The following PUS1 variants were observed in gnomAD, a reference collection of about 807,000 sequenced individuals.
The protein encoded by PUS1 is pseudouridylate synthase 1 homolog.
Under a neutral mutation model 38.5 loss-of-function variants are expected in PUS1, and 25 were observed. That is an observed-to-expected ratio of 0.65 (90% CI 0.47 to 0.91). The LOEUF is 0.91. Among genes scored for constraint, PUS1 ranks in the 40% least tolerant of loss-of-function variants. The pLI, the probability that PUS1 is intolerant of heterozygous loss-of-function variation, is 0.00. For missense variants in PUS1, 597 were observed against 612.3 expected (o/e 0.97, Z 0.26); for synonymous variants, 282 against 260.4 (o/e 1.08, Z -0.80).
chr12:131,936,180 C>T (rs1890822275), intron 3 of PUS1, among the ~76,000 whole-genome samples: 1 of 150,256 alleles, frequency 6.7e-6, no homozygotes, highest in South Asian at 2.1e-4. Flanking sequence ...CACTGCACTG[C>T]AGCCCGGGTG....
chr12:131,931,292 G>A (rs1221864966), intron 2 of PUS1, among the ~76,000 whole-genome samples: 32 of 152,066 alleles, frequency 2.1e-4, no homozygotes, highest in Admixed American at 2.1e-3. Flanking sequence ...CCGAGTAGCT[G>A]GGACTACAGG....
At position 131,941,717 on chromosome 12, in the gene PUS1, G is replaced by T; in HGVS notation, c.970G>T (p.Asp324Tyr). The T allele has an allele frequency of 6.2e-7, 1 of 1,614,186 alleles. No homozygotes were observed. Among genetic ancestry groups the T allele is most frequent in the Admixed American group, 1.7e-5 (1 of 60,022 alleles). ...GCGCAGCTGGGGCACAGAGAAGGTG[G>T]ACGTGCCCAAGGCGCCCGGACTCGG... ...LERSWGTEKV[D>Y]VPKAPGLGLV... The change falls in exon 5 of 6, where the codon GAC (aspartate) becomes TAC (tyrosine). Residue 324 changes from aspartate to tyrosine, a missense_variant. Asp to Tyr is a radical substitution (Grantham distance 160). Transcript: ENST00000376649. The surrounding 1 kb of genome is among the most constrained non-coding windows in gnomAD (Gnocchi z 4.4).
intron 4 of PUS1, 150 bp downstream of exon 4, chr12:131,939,425 G>A: frequency 1.4e-6 from 1 of 693,130 alleles, no homozygotes; most frequent in South Asian, 1.5e-5. Context: ...TTCAGAAACG[G>A]GAGCCACTAG....
intron 3 of PUS1, chr12:131,934,989 G>T (rs1310344696): frequency 6.6e-6 from 1 of 152,216 alleles, no homozygotes; most frequent in Non-Finnish European, 1.5e-5. Flanking sequence ...TGGAGCCGTC[G>T]TACAGAGGGG....
chr12:131,931,942 C>G (rs1890619797), intron 2 of PUS1: 2 of 629,270 alleles, frequency 3.2e-6, no homozygotes, highest in African/African-American at 1.8e-5. Context: ...TTCAATCAAA[C>G]CTGTGTTTTG....
rs1415296307 is a variant in PUS1 at position 131,939,340 on chromosome 12, A to T, written c.544+65A>T. The stretch of plus-strand genomic sequence containing the variant: ...GATGGTCTTGCAGAGACACGAGGCT[A>T]TGCATGCTCCTGCCTTTTCCAACTG... On this transcript the variant is annotated intron_variant, in intron 4 of 5. Coordinates refer to ENST00000376649, the MANE Select transcript of PUS1 (RefSeq NM_025215.6). 7.8e-6 allele frequency: 8 copies of T among 1,030,398 alleles called. No homozygotes were observed. The South Asian group carries it at 1.1e-4, about 14-fold the overall frequency. 63.8% of individuals were successfully genotyped at this position (1,030,398 alleles called of 1,614,324 possible).
intron 5 of PUS1, 65 bp downstream of exon 5, chr12:131,942,048 G>C (rs1030357667): frequency 1.2e-5 from 17 of 1,397,648 alleles, no homozygotes; most frequent in Non-Finnish European, 1.6e-5. Context: ...TTGTACAGAG[G>C]AGTGAGCTGA....
In PUS1 at chr12:131,941,931, C is replaced by T; in HGVS notation, c.1184C>T (p.Pro395Leu). 1 of 1,613,266 alleles carries T rather than the reference C, an allele frequency of 6.2e-7. No individual in the cohort carries two copies. The highest frequency in any genetic ancestry group is 8.5e-7 in the Non-Finnish European group (1 of 1,180,026). ...RSMAQWLSTL[P>L]IHNFSATALT... ...ATGGCCCAGTGGCTGAGCACCTTGC[C>T]CATCCACAACTTCAGTGCCACCGCT... is the stretch of plus-strand genomic sequence containing the variant. Residue 395 changes from proline (P) to leucine (L), a missense_variant, in exon 5 of 6, where the codon CCC becomes CTC. Transcript: ENST00000376649. The surrounding 1 kb of genome is among the most constrained non-coding windows in gnomAD (Gnocchi z 4.4).
At chr12:131,932,080 G>A (rs752751740) in intron 2 of PUS1, 95 bp from the exon 3 acceptor site, 4 of 1,045,926 alleles carry the variant, frequency 3.8e-6, no homozygotes, top group South Asian at 2.7e-5. Context: ...GGAGGCCAGA[G>A]GAGTAAGCGG....
chr12:131,933,375 C>T (rs1890693424), intron 3 of PUS1, among the ~76,000 whole-genome samples: 1 of 152,064 alleles, frequency 6.6e-6, no homozygotes, highest in South Asian at 2.1e-4. Flanking sequence ...TGAGTATATT[C>T]AGGATATCCT....
Position 131,929,939 on chromosome 12 carries a change from C to T in PUS1, c.107C>T (p.Pro36Leu). The T allele has an allele frequency of 1.3e-6, 2 of 1,487,900 alleles. No individual in the cohort carries two copies. The highest frequency in any genetic ancestry group is 1.8e-6 in the Non-Finnish European group (2 of 1,126,618). The allele number at this position is 1,487,900 out of a possible 1,614,324, so 92.2% of individuals were successfully genotyped here. The stretch of plus-strand genomic sequence containing the variant: ...CGCATGGCCGGGAACGCGGAGCCGC[C>T]GCCCGCCGGAGCCGCATGCCCCCAG... ...SPRMAGNAEP[P>L]PAGAACPQDR... The change falls in exon 2 of 6, where the codon CCG becomes CTG. Residue 36 changes from proline to leucine, a missense_variant. Pro to Leu is a moderately conservative substitution (Grantham distance 98, BLOSUM62 -3). Transcript: ENST00000376649.
rs372905929 is a variant in PUS1 at position 131,942,488 on chromosome 12, G to C, written c.1236+505G>C. Among the ~76,000 whole-genome samples the C allele has an allele frequency of 2.6e-5, 4 of 152,104 alleles. No individual in the cohort carries two copies. In the East Asian group the frequency reaches 7.7e-4, roughly 29 times the overall value. On this transcript the variant is annotated intron_variant, in intron 5 of 5. Transcript: ENST00000376649. ...GTGGCGCGATCTCGGCTCACTGCAA[G>C]CTCCGCCTCCCGGGTTCACGCCATT...
chr12:131,943,866 G>T lies in PUS1; in HGVS notation c.*280G>T. On this transcript the variant is annotated 3_prime_UTR_variant, in exon 6 of 6. Transcript: ENST00000376649. ...ACAAATTTTGCTTAGTCAATCCTTG[G>T]TTTGCCTTTTTCTTAGTCTTTTTTA... The T allele has an allele frequency of 9.2e-6, 4 of 433,748 alleles. No homozygotes were observed. Among genetic ancestry groups the T allele is most frequent in the South Asian group, 8.7e-5 (4 of 46,134 alleles). 26.9% of individuals were successfully genotyped at this position (433,748 alleles called of 1,614,324 possible).
intron 3 of PUS1, among the ~76,000 whole-genome samples, chr12:131,938,714 AT>A (rs1430930510): frequency 9.0e-6 from 1 of 110,732 alleles, no homozygotes; most frequent in Non-Finnish European, 1.7e-5. Context: ...ATATTTTCAT[AT>A]CTTTTTTTTT....
chr12:131,932,033 G>A (rs1890623778), intron 2 of PUS1, 142 bp from the exon 3 acceptor site: 1 of 758,038 alleles, frequency 1.3e-6, no homozygotes. Flanking sequence ...GTTTTCACAT[G>A]AGCGTGGCAG....
At position 131,941,262 on chromosome 12, in the gene PUS1, C is replaced by G. The variant is rs1891049639; in HGVS notation, c.545-30C>G. The G allele has an allele frequency of 6.2e-7, 1 of 1,602,516 alleles. No homozygotes were observed. The highest frequency in any genetic ancestry group is 1.3e-5 in the African/African-American group (1 of 74,690). On this transcript the variant is annotated intron_variant, in intron 4 of 5. Coordinates refer to ENST00000376649, the MANE Select transcript of PUS1 (RefSeq NM_025215.6). The surrounding 1 kb of genome is among the most constrained non-coding windows in gnomAD (Gnocchi z 4.4). ...GGTCATCCAGGCACTTCTCACCTGC[C>G]TTTCTCCTCCCTGACCACCTCCCCC... is the stretch of plus-strand genomic sequence containing the variant.
At position 131,929,680 on chromosome 12, in the gene PUS1, G is replaced by T; in HGVS notation, c.-43G>T. On this transcript the variant is annotated 5_prime_UTR_variant, in exon 1 of 6. Coordinates refer to ENST00000376649, the MANE Select transcript of PUS1 (RefSeq NM_025215.6). The stretch of plus-strand genomic sequence containing the variant: ...CGGAGCTGGGGCACTGGGGGTCAGG[G>T]GTCGGGGATCAGGGCGGGGTCGGGT... The T allele has an allele frequency of 1.3e-6, 2 of 1,512,536 alleles. No homozygotes were observed. Among genetic ancestry groups the T allele is most frequent in the Non-Finnish European group, 1.8e-6 (2 of 1,131,192 alleles). 93.7% of individuals were successfully genotyped at this position (1,512,536 alleles called of 1,614,324 possible).
intron 3 of PUS1, chr12:131,935,075 G>C (rs1890764395): frequency 2.0e-5 from 3 of 147,934 alleles, no homozygotes; most frequent in South Asian, 4.4e-4. Flanking sequence ...TTCACTCCTA[G>C]TGGGTGAGAA....
In PUS1 at chr12:131,929,649, C is replaced by T. The variant is rs1216077531; in HGVS notation, c.-74C>T. The T allele has an allele frequency of 3.1e-6, 4 of 1,305,750 alleles. No individual in the cohort carries two copies. The highest frequency in any genetic ancestry group is 2.6e-4 in the Middle Eastern group (1 of 3,878). The allele number at this position is 1,305,750 out of a possible 1,614,324, so 80.9% of individuals were successfully genotyped here. On this transcript the variant is annotated 5_prime_UTR_variant, in exon 1 of 6. Transcript: ENST00000376649. ...CAGGGTCCGAGAGGTTAGGGGTCGG[C>T]AGAGGCGGAGCTGGGGCACTGGGGG... is the stretch of plus-strand genomic sequence containing the variant.
Sources: gnomAD v4.1 joint callset for allele counts (sites outside exome capture counted in the v4.1 genomes callset) on GRCh38, gnomAD v4.1.1 for gene constraint, Gnocchi (gnomAD v3.1) non-coding constraint, MANE v1.5 for transcripts, NCBI Gene and HGNC (gene_info 2026-07-23, HGNC 2026-07-21) for gene names.